The following TMEM161B variants were observed in gnomAD, a reference collection of about 807,000 sequenced individuals.
TMEM161B encodes the protein transmembrane protein 161B.
Under a neutral mutation model 61.8 loss-of-function variants are expected in TMEM161B, and 34 were observed. The observed-to-expected ratio is 0.55, with a 90% CI of 0.42 to 0.73. The LOEUF (loss-of-function observed/expected upper bound fraction) is 0.73, where lower values mean the gene tolerates loss of function less well. TMEM161B is among the 30% of genes least tolerant of loss of function. The pLI, the probability that TMEM161B is intolerant of heterozygous loss-of-function variation, is 0.00. For missense variants in TMEM161B, 456 were observed against 558.5 expected (o/e 0.82, Z 1.85); for synonymous variants, 167 against 192.8 (o/e 0.87, Z 1.11).
At chr5:88,220,243 A>T (rs544601889) in intron 5 of TMEM161B, among the ~76,000 whole-genome samples, 2 of 152,246 alleles carry the variant, frequency 1.3e-5, no homozygotes, top group South Asian at 4.1e-4. Context: ...GAAAGGTGCA[A>T]TAATATATAA....
At chr5:88,250,193 AAG>A (rs375218954) in intron 1 of TMEM161B, among the ~76,000 whole-genome samples, 74 of 147,798 alleles carry the variant, frequency 5.0e-4, no homozygotes, top group Non-Finnish European at 5.2e-4. Context: ...AAGAGAGAGA[AAG>A]AGAGAGAGAG....
chr5:88,266,254 A>G (rs1031891467), intron 1 of TMEM161B, among the ~76,000 whole-genome samples: 2 of 152,242 alleles, frequency 1.3e-5, no homozygotes, highest in Non-Finnish European at 2.9e-5. Context: ...TTAAATCAAA[A>G]CATTCCAAGA....
chr5:88,249,240 T>C (rs1416840996), intron 1 of TMEM161B, among the ~76,000 whole-genome samples: 2 of 152,028 alleles, frequency 1.3e-5, no homozygotes. Context: ...CTCATAAATG[T>C]CAAACCAGAA....
Position 88,261,242 on chromosome 5 carries a change from C to T in TMEM161B, c.3+7479G>A, listed in dbSNP as rs115802334. ...TATGCCAAGACCTGTATGAAGAAAA[C>T]TACAAAACTCTGATAACTGAATTCA... On this transcript the variant is annotated intron_variant, in intron 1 of 11. Transcript: ENST00000296595. Among the ~76,000 whole-genome samples the T allele has an allele frequency of 2.9e-3, 441 of 152,074 alleles. 1 individual carries two copies. The highest frequency in any genetic ancestry group is 9.7e-3 in the African/African-American group (404 of 41,502).
At chr5:88,268,133 C>A (rs1471825258) in intron 1 of TMEM161B, among the ~76,000 whole-genome samples, 1 of 152,188 alleles carries the variant, frequency 6.6e-6, no homozygotes, top group African/African-American at 2.4e-5. Flanking sequence ...GCAACAGTTC[C>A]TTCAACCTTC....
chr5:88,193,015 ATATT>A (rs1212349500), downstream of TMEM161B, among the ~76,000 whole-genome samples: 3 of 152,178 alleles, frequency 2.0e-5, no homozygotes, highest in Non-Finnish European at 2.9e-5. Context: ...TTTACCAATG[ATATT>A]TATATCAGAA....
intron 1 of TMEM161B, among the ~76,000 whole-genome samples, chr5:88,260,221 T>C (rs1285739506): frequency 6.6e-6 from 1 of 152,216 alleles, no homozygotes; most frequent in Non-Finnish European, 1.5e-5. Flanking sequence ...CTCAAAAATC[T>C]AATCCAAACC....
intron 5 of TMEM161B, among the ~76,000 whole-genome samples, chr5:88,220,166 A>C (rs1055821847): frequency 6.6e-6 from 1 of 152,158 alleles, no homozygotes; most frequent in African/African-American, 2.4e-5. Flanking sequence ...AGTGACTATA[A>C]ATTTAATAAA....
chr5:88,222,753 A>C (rs916236020), intron 4 of TMEM161B, among the ~76,000 whole-genome samples: 7 of 152,314 alleles, frequency 4.6e-5, no homozygotes, highest in Admixed American at 3.9e-4. Flanking sequence ...AATTATTGGG[A>C]CATCAATAAT....
At chr5:88,242,457 C>G (rs899084687) in intron 1 of TMEM161B, among the ~76,000 whole-genome samples, 1 of 151,764 alleles carries the variant, frequency 6.6e-6, no homozygotes, top group East Asian at 1.9e-4. Flanking sequence ...TACCTCAAAC[C>G]TTCTATACCA....
In TMEM161B at chr5:88,206,514, A is replaced by G. The variant is rs1200450280; in HGVS notation, c.599-15T>C. 1.3e-6 allele frequency: 2 copies of G among 1,559,456 alleles called. No homozygotes were observed. The highest frequency in any genetic ancestry group is 2.8e-5 in the African/African-American group (2 of 72,212). On this transcript the variant is annotated splice_polypyrimidine_tract_variant and intron_variant, in intron 6 of 11. Transcript: ENST00000296595. ...ATTTGTAAACCCTGTGGGGGAAAAA[A>G]AAAAAAACAACAGATTACTCTTATC...
In TMEM161B at chr5:88,224,966, T is replaced by G. The variant is rs981140035; in HGVS notation, c.289+803A>C. On this transcript the variant is annotated intron_variant, in intron 4 of 11. Coordinates refer to ENST00000296595, the MANE Select transcript of TMEM161B (RefSeq NM_153354.5). ...ACATAACACACAAAATATGTTTTTGTTTTTTTTTTTTTTTTTTTTGAGACG... is the reference window on the plus strand; with the variant it reads ...ACATAACACACAAAATATGTTTTTGGTTTTTTTTTTTTTTTTTTTGAGACG... Among the ~76,000 whole-genome samples, 54 of 135,184 alleles carry G rather than the reference T, an allele frequency of 4.0e-4. 2 individuals are homozygous for G. Among genetic ancestry groups the G allele is most frequent in the Admixed American group, 2.4e-3 (33 of 13,776 alleles). 88.7% of individuals were successfully genotyped at this position (135,184 alleles called of 152,430 possible).
At chr5:88,228,756 A>T (rs549749048) in intron 2 of TMEM161B, among the ~76,000 whole-genome samples, 4 of 152,184 alleles carry the variant, frequency 2.6e-5, no homozygotes, top group Non-Finnish European at 5.9e-5. Context: ...CTACAATGCC[A>T]TTTGTATGTA....
At chr5:88,187,527 G>T (rs1032755133), downstream of TMEM161B, among the ~76,000 whole-genome samples, 1 of 152,012 alleles carries the variant, frequency 6.6e-6, no homozygotes, top group African/African-American at 2.4e-5. Flanking sequence ...CAGTGTACAG[G>T]TCTTATACAT....
chr5:88,211,318 T>C (rs1353537781), intron 5 of TMEM161B, among the ~76,000 whole-genome samples: 1 of 151,430 alleles, frequency 6.6e-6, no homozygotes, highest in Non-Finnish European at 1.5e-5. Flanking sequence ...GCATATTTCA[T>C]AAAGCTAGAC....
At position 88,202,046 on chromosome 5, in the gene TMEM161B, C is replaced by A. The variant is rs189302350; in HGVS notation, c.914+916G>T. The A allele has an allele frequency of 2.1e-4, 91 of 431,382 alleles. 1 individual carries two copies. The East Asian group carries it at 3.7e-3, about 18-fold the overall frequency. The allele number at this position is 431,382 out of a possible 1,614,324, so 26.7% of individuals were successfully genotyped here. The stretch of plus-strand genomic sequence containing the variant: ...AGAACATTTATTAAGCACTTAATTC[C>A]AGCTGGTTGCATTACATGTGTTCTT... On this transcript the variant is annotated intron_variant, in intron 9 of 11. Transcript: ENST00000296595.
In TMEM161B at chr5:88,268,827, G is replaced by C. The variant is rs564889527; in HGVS notation, c.-104C>G. On this transcript the variant is annotated 5_prime_UTR_variant, in exon 1 of 12. Coordinates refer to ENST00000296595, the MANE Select transcript of TMEM161B (RefSeq NM_153354.5). ...GCCGAGAGACTCTCAAACAGCGAAA[G>C]AGAGGGTCTTCCGGCTCTGCCGGAA... 1.9e-6 allele frequency: 3 copies of C among 1,585,190 alleles called. No individual in the cohort carries two copies. The highest frequency in any genetic ancestry group is 1.3e-5 in the African/African-American group (1 of 74,082).
intron 1 of TMEM161B, among the ~76,000 whole-genome samples, chr5:88,254,430 G>A (rs1412727863): frequency 6.6e-6 from 1 of 152,150 alleles, no homozygotes; most frequent in African/African-American, 2.4e-5. Flanking sequence ...AGGAAGAAGG[G>A]ACAGCTAAAA....
intron 1 of TMEM161B, among the ~76,000 whole-genome samples, chr5:88,262,887 C>T (rs1435062907): frequency 6.6e-6 from 1 of 151,926 alleles, no homozygotes; most frequent in African/African-American, 2.4e-5. Flanking sequence ...TTCTGTGAAC[C>T]TAAAACTACT....
Sources: gnomAD v4.1 joint callset for allele counts (sites outside exome capture counted in the v4.1 genomes callset) on GRCh38, gnomAD v4.1.1 for gene constraint, MANE v1.5 for transcripts, NCBI Gene and HGNC (gene_info 2026-07-23, HGNC 2026-07-21) for gene names.